Variants in CTNNA2 observed in about 807,000 individuals in gnomAD.
The protein encoded by CTNNA2 is catenin alpha 2, also known as catenin alpha-2.
A neutral mutation model predicts 101.0 loss-of-function variants in CTNNA2; 42 were observed. The observed-to-expected ratio is 0.42, with a 90% CI of 0.32 to 0.54. The LOEUF is 0.54. CTNNA2 is among the 20% of genes least tolerant of loss of function. The probability of loss-of-function intolerance (pLI) is 0.14; values close to 1 mark genes in which losing one functional copy is unlikely to be tolerated. For missense variants in CTNNA2, 871 were observed against 1,223.1 expected, an observed-to-expected ratio of 0.71 and a Z score of 4.29; for synonymous variants, 450 against 456.4, an observed-to-expected ratio of 0.99 and a Z score of 0.18.
intron 7 of CTNNA2, among the ~76,000 whole-genome samples, chr2:80,034,668 A>G (rs1327860357): frequency 2.0e-5 from 3 of 152,090 alleles, no homozygotes; most frequent in Non-Finnish European, 2.9e-5. Flanking sequence ...CTTCATTCTT[A>G]ATAAAATAAA....
At chr2:79,940,445 A>C (rs1489947266) in intron 7 of CTNNA2, among the ~76,000 whole-genome samples, 1 of 152,184 alleles carries the variant, frequency 6.6e-6, no homozygotes, top group Non-Finnish European at 1.5e-5. Flanking sequence ...CTTGGGGAAT[A>C]CTCATTGCTG....
rs1490218360 is a variant in CTNNA2 at position 80,387,477 on chromosome 2, T to A, written c.1057-5734T>A. Among the ~76,000 whole-genome samples the A allele has an allele frequency of 2.6e-5, 4 of 152,292 alleles. 1 individual carries two copies. The East Asian group carries it at 7.7e-4, about 29-fold the overall frequency. On this transcript the variant is annotated intron_variant, in intron 7 of 18. Transcript: ENST00000402739. ...ATATAGGGAGACAGTGGGGTGGGGATCCTTGTCCAAAGTGGGCCAAAGGAG... is the reference window on the plus strand; with the variant it reads ...ATATAGGGAGACAGTGGGGTGGGGAACCTTGTCCAAAGTGGGCCAAAGGAG...
intron 1 of CTNNA2, among the ~76,000 whole-genome samples, chr2:79,536,192 C>G (rs1332591605): frequency 1.3e-5 from 2 of 152,332 alleles, no homozygotes; most frequent in East Asian, 3.9e-4. Flanking sequence ...TTGCCAGCCT[C>G]ACTTTCCCAA....
At chr2:79,202,588 G>T (rs10496217) in intron 2 of CTNNA2, among the ~76,000 whole-genome samples, 18,698 of 152,024 alleles carry the variant, frequency 0.12, 1,245 homozygotes, top group Middle Eastern at 0.19. Context: ...AGCTCCCTTG[G>T]TATCAACACA....
intron 2 of CTNNA2, among the ~76,000 whole-genome samples, chr2:79,311,493 T>G (rs1304710750): frequency 6.6e-6 from 1 of 151,650 alleles, no homozygotes; most frequent in East Asian, 1.9e-4. Flanking sequence ...CAATCACCTG[T>G]CACTATTGGT....
chr2:79,798,307 C>T (rs1675883292), intron 3 of CTNNA2, among the ~76,000 whole-genome samples: 1 of 152,152 alleles, frequency 6.6e-6, no homozygotes, highest in African/African-American at 2.4e-5. Flanking sequence ...TTTGTTTCAT[C>T]ACTATACTAA....
intron 7 of CTNNA2, among the ~76,000 whole-genome samples, chr2:80,253,252 G>A (rs1280195021): frequency 2.0e-5 from 3 of 152,086 alleles, no homozygotes; most frequent in African/African-American, 7.2e-5. Flanking sequence ...GTCTCTTCTT[G>A]AGAAGAATCA....
intron 4 of CTNNA2, among the ~76,000 whole-genome samples, chr2:79,456,902 G>T (rs990104354): frequency 6.6e-6 from 1 of 152,052 alleles, no homozygotes; most frequent in Non-Finnish European, 1.5e-5. Flanking sequence ...ATTTCAAAGG[G>T]TTAAATAATT....
At chr2:80,024,723 G>A (rs1430370812) in intron 7 of CTNNA2, among the ~76,000 whole-genome samples, 1 of 151,876 alleles carries the variant, frequency 6.6e-6, no homozygotes, top group African/African-American at 2.4e-5. Flanking sequence ...GAGTGTCTGC[G>A]ACCCCTGGAG....
chr2:80,181,645 C>T (rs2148981549), intron 7 of CTNNA2, among the ~76,000 whole-genome samples: 1 of 152,214 alleles, frequency 6.6e-6, no homozygotes, highest in East Asian at 1.9e-4. Context: ...GCTAGAATCC[C>T]CGAGTTCATC....
chr2:80,163,736 T>A (rs1183801412), intron 7 of CTNNA2, among the ~76,000 whole-genome samples: 1 of 152,120 alleles, frequency 6.6e-6, no homozygotes, highest in East Asian at 1.9e-4. Context: ...CAGCAATAAT[T>A]GTAGAGTTGT....
At chr2:80,013,851 G>A (rs1693951302) in intron 7 of CTNNA2, among the ~76,000 whole-genome samples, 2 of 152,146 alleles carry the variant, frequency 1.3e-5, no homozygotes, top group Admixed American at 6.5e-5. Flanking sequence ...CTCTAGAAAC[G>A]AATTCTCTCT....
At chr2:80,323,267 G>T (rs1678894867) in intron 7 of CTNNA2, among the ~76,000 whole-genome samples, 1 of 152,164 alleles carries the variant, frequency 6.6e-6, no homozygotes, top group African/African-American at 2.4e-5. Context: ...GATGTAATAG[G>T]GCTCCGAACA....
intron 7 of CTNNA2, among the ~76,000 whole-genome samples, chr2:80,371,524 A>G (rs1464528693): frequency 6.6e-6 from 1 of 151,630 alleles, no homozygotes; most frequent in East Asian, 1.9e-4. Flanking sequence ...ACACACACAC[A>G]AAGGAACAAA....
chr2:80,224,161 A>T (rs1057426565), intron 7 of CTNNA2, among the ~76,000 whole-genome samples: 24 of 152,158 alleles, frequency 1.6e-4, no homozygotes, highest in African/African-American at 5.1e-4. Context: ...ATCATAAAGA[A>T]TACAGAAAGA....
intron 7 of CTNNA2, among the ~76,000 whole-genome samples, chr2:80,038,322 A>C (rs1264247673): frequency 6.6e-6 from 1 of 152,294 alleles, no homozygotes; most frequent in Admixed American, 6.5e-5. Flanking sequence ...TTAAAGAAAA[A>C]AAAACTTGTT....
intron 2 of CTNNA2, among the ~76,000 whole-genome samples, chr2:79,220,007 A>G (rs985081769): frequency 2.4e-4 from 37 of 152,068 alleles, no homozygotes; most frequent in Admixed American, 1.1e-3. Flanking sequence ...ACATATGTCT[A>G]TTGATATTGC....
intron 7 of CTNNA2, among the ~76,000 whole-genome samples, chr2:79,969,838 GT>G (rs1690353424): frequency 6.6e-6 from 1 of 152,130 alleles, no homozygotes; most frequent in African/African-American, 2.4e-5. Context: ...TCAAGGTATT[GT>G]TTGGCTTTGT....
chr2:80,324,801 C>T (rs966127261), intron 7 of CTNNA2, among the ~76,000 whole-genome samples: 17 of 152,218 alleles, frequency 1.1e-4, no homozygotes, highest in African/African-American at 3.9e-4. Context: ...TTGATCTCCC[C>T]CATGCGGGAT....
Sources: allele counts gnomAD v4.1 joint callset (sites outside exome capture counted in the v4.1 genomes callset), GRCh38; gene constraint gnomAD v4.1.1; transcripts MANE v1.5; gene names NCBI Gene and HGNC (gene_info 2026-07-23, HGNC 2026-07-21).